Variants in LDLRAD3 observed in about 807,000 individuals in gnomAD.
The protein encoded by LDLRAD3 is low-density lipoprotein receptor class A domain-containing protein 3.
Under a neutral mutation model 29.4 loss-of-function variants are expected in LDLRAD3, and 20 were observed. The ratio of observed to expected loss-of-function variants is 0.68; its 90% CI spans 0.48 to 0.99. The LOEUF is 0.99. Among genes scored for constraint, LDLRAD3 ranks in the 50% least tolerant of loss-of-function variants. The probability of loss-of-function intolerance (pLI) is 0.00; values close to 1 mark genes in which losing one functional copy is unlikely to be tolerated. For missense variants in LDLRAD3, 420 were observed against 454.3 expected (o/e 0.92, Z 0.69); for synonymous variants, 157 against 192.7 (o/e 0.81, Z 1.53).
At chr11:36,016,708 A>AT in intron 1 of LDLRAD3, among the ~76,000 whole-genome samples, 1 of 152,302 alleles carries the variant, frequency 6.6e-6, no homozygotes, top group African/African-American at 2.4e-5. Flanking sequence ...GTGTTCTAAG[A>AT]TTGTGCAGAT....
intron 4 of LDLRAD3, among the ~76,000 whole-genome samples, chr11:36,155,535 A>G (rs1031548922): frequency 6.6e-6 from 1 of 152,086 alleles, no homozygotes; most frequent in Admixed American, 6.5e-5. Context: ...GACTTGTGTT[A>G]TTTCCCAGCT....
At chr11:36,180,459 A>C (rs1031056419) in intron 4 of LDLRAD3, among the ~76,000 whole-genome samples, 4 of 152,274 alleles carry the variant, frequency 2.6e-5, no homozygotes, top group African/African-American at 9.6e-5. Context: ...GGCACTGTAC[A>C]TGTAGAAGTA....
At chr11:36,054,128 T>A (rs1852570161) in intron 2 of LDLRAD3, among the ~76,000 whole-genome samples, 1 of 152,180 alleles carries the variant, frequency 6.6e-6, no homozygotes, top group Non-Finnish European at 1.5e-5. Flanking sequence ...GTGTGCCAGG[T>A]TTCCCCCCCA....
At position 36,231,424 on chromosome 11, in the gene LDLRAD3, T is replaced by A. The variant is rs552232879; in HGVS notation, c.*2027T>A. On this transcript the variant is annotated 3_prime_UTR_variant, in exon 6 of 6. Coordinates refer to ENST00000315571, the MANE Select transcript of LDLRAD3 (RefSeq NM_174902.4). ...AGAACTTTTGATGACAGCCAGAATGTGTTAGAACTCTGGCTGAACATTTCA... is the reference window on the plus strand; with the variant it reads ...AGAACTTTTGATGACAGCCAGAATGAGTTAGAACTCTGGCTGAACATTTCA... 1.3e-5 allele frequency: 2 copies of A among 152,334 alleles called. No homozygotes were observed. Among genetic ancestry groups the A allele is most frequent in the East Asian group, 3.9e-4 (2 of 5,194 alleles). 9.4% of individuals were successfully genotyped at this position (152,334 alleles called of 1,614,324 possible).
chr11:36,116,136 G>A (rs1249120668), intron 4 of LDLRAD3, among the ~76,000 whole-genome samples: 2 of 152,196 alleles, frequency 1.3e-5, no homozygotes, highest in East Asian at 1.9e-4. Context: ...GTACTTCTAA[G>A]TGTGAGTTCC....
At chr11:36,065,808 G>A (rs1464449382) in intron 2 of LDLRAD3, among the ~76,000 whole-genome samples, 2 of 152,106 alleles carry the variant, frequency 1.3e-5, no homozygotes, top group East Asian at 3.9e-4. Context: ...GGTGTTTTGA[G>A]ACAAAACCTG....
intron 2 of LDLRAD3, among the ~76,000 whole-genome samples, chr11:36,043,953 A>G (rs1031401457): frequency 6.6e-6 from 1 of 152,226 alleles, no homozygotes; most frequent in Admixed American, 6.5e-5. Context: ...ACCTATGTAT[A>G]TTAGCGTTGC....
At position 35,944,278 on chromosome 11, in the gene LDLRAD3, C is replaced by G. The variant is rs1735571182; in HGVS notation, c.46+134C>G. ...GGCGTGGGTGAGCGCGGAGGGCGGA[C>G]CCCGGCGCCGGGCTGGCCCGGACCC... On this transcript the variant is annotated intron_variant, in intron 1 of 5. Coordinates refer to ENST00000315571, the MANE Select transcript of LDLRAD3 (RefSeq NM_174902.4). The surrounding 1 kb of genome is among the most constrained non-coding windows in gnomAD (Gnocchi z 4.9). 2.2e-6 allele frequency: 1 copy of G among 449,694 alleles called. No individual in the cohort carries two copies. The highest frequency in any genetic ancestry group is 2.9e-6 in the Non-Finnish European group (1 of 339,742). 27.9% of individuals were successfully genotyped at this position (449,694 alleles called of 1,614,324 possible).
At position 36,229,158 on chromosome 11, in the gene LDLRAD3, A is replaced by G; in HGVS notation, c.801-2A>G. On this transcript the variant is annotated splice_acceptor_variant, in intron 5 of 5. Coordinates refer to ENST00000315571, the MANE Select transcript of LDLRAD3 (RefSeq NM_174902.4). LOFTEE classifies it high-confidence loss of function. Reference sequence around the variant, plus strand: ...CCTGCCCCCCTGCTGTCCCCATCACAGGCCTGCGTGGTATGACCTTCCTCC... The same window carrying G: ...CCTGCCCCCCTGCTGTCCCCATCACGGGCCTGCGTGGTATGACCTTCCTCC... 1.2e-6 allele frequency: 2 copies of G among 1,610,770 alleles called. No individual in the cohort carries two copies. The highest frequency in any genetic ancestry group is 1.7e-6 in the Non-Finnish European group (2 of 1,177,392).
intron 4 of LDLRAD3, among the ~76,000 whole-genome samples, chr11:36,221,367 CA>C (rs34614422): frequency 0.011 from 1,595 of 140,258 alleles, 24 homozygotes; most frequent in African/African-American, 0.039. Flanking sequence ...GACTCCATCT[CA>C]AAAAAAAAAA....
At chr11:35,957,215 C>T (rs529703654) in intron 1 of LDLRAD3, among the ~76,000 whole-genome samples, 16 of 152,166 alleles carry the variant, frequency 1.1e-4, no homozygotes, top group African/African-American at 1.7e-4. Flanking sequence ...TTTGATCATA[C>T]GTGGAATATA....
intron 1 of LDLRAD3, among the ~76,000 whole-genome samples, chr11:36,003,741 C>G (rs558315873): frequency 2.6e-5 from 4 of 152,268 alleles, no homozygotes; most frequent in South Asian, 2.1e-4. Context: ...AAAGAACCAC[C>G]TGAGCCTGGG....
At position 36,205,658 on chromosome 11, in the gene LDLRAD3, G is replaced by A. The variant is rs553174249; in HGVS notation, c.455-21427G>A. ...CAGAATAGCTCCATTTGGGGCCTGT[G>A]CTGCTGAGACCACAAGGGAAGTTTG... On this transcript the variant is annotated intron_variant, in intron 4 of 5. Transcript: ENST00000315571. Among the ~76,000 whole-genome samples the A allele has an allele frequency of 3.3e-5, 5 of 152,206 alleles. No homozygotes were observed. The South Asian group carries it at 1.0e-3, about 31-fold the overall frequency.
At chr11:36,086,214 TTCA>T (rs1853193788) in intron 3 of LDLRAD3, among the ~76,000 whole-genome samples, 1 of 152,220 alleles carries the variant, frequency 6.6e-6, no homozygotes, top group South Asian at 2.1e-4. Context: ...CTATAAAATC[TTCA>T]TCATATAACT....
intron 4 of LDLRAD3, among the ~76,000 whole-genome samples, chr11:36,101,000 C>T (rs1175023697): frequency 6.6e-6 from 1 of 152,154 alleles, no homozygotes; most frequent in Non-Finnish European, 1.5e-5. Context: ...TATTCCACGT[C>T]CCATAAATAT....
intron 1 of LDLRAD3, among the ~76,000 whole-genome samples, chr11:35,989,389 C>A (rs1295584709): frequency 6.6e-6 from 1 of 152,082 alleles, no homozygotes; most frequent in Admixed American, 6.6e-5. Flanking sequence ...TTTAGAATTA[C>A]TTTTCTCTAA....
At chr11:36,122,035 G>A (rs1239245696) in intron 4 of LDLRAD3, among the ~76,000 whole-genome samples, 2 of 152,152 alleles carry the variant, frequency 1.3e-5, no homozygotes, top group Non-Finnish European at 2.9e-5. Context: ...GAGACAATGG[G>A]ATAGGCATGA....
chr11:36,100,196 G>A (rs1326707712), intron 4 of LDLRAD3, among the ~76,000 whole-genome samples: 1 of 152,144 alleles, frequency 6.6e-6, no homozygotes, highest in Non-Finnish European at 1.5e-5. Flanking sequence ...ACTGAAGGCT[G>A]AGCTCCACCA....
chr11:36,189,543 T>A (rs1854907142), intron 4 of LDLRAD3, among the ~76,000 whole-genome samples: 2 of 151,610 alleles, frequency 1.3e-5, no homozygotes, highest in African/African-American at 4.8e-5. Flanking sequence ...TGCACCCCCA[T>A]CTACACCCTA....
Sources: allele counts gnomAD v4.1 joint callset (sites outside exome capture counted in the v4.1 genomes callset), GRCh38; gene constraint gnomAD v4.1.1; non-coding constraint Gnocchi (gnomAD v3.1); transcripts MANE v1.5; gene names NCBI Gene and HGNC (gene_info 2026-07-23, HGNC 2026-07-21).